The following LAMA4 variants were observed in gnomAD, a reference collection of about 807,000 sequenced individuals.
LAMA4 encodes laminin subunit alpha-4.
In LAMA4, 127 loss-of-function variants were observed where a neutral mutation model predicts 207.1. That is an observed-to-expected ratio of 0.61 (90% CI 0.53 to 0.71). The LOEUF is 0.71. LAMA4 is among the 30% of genes least tolerant of loss of function. LAMA4 has a pLI of 0.00. For missense variants in LAMA4, 2,093 were observed against 2,246.5 expected (o/e 0.93, Z 1.38); for synonymous variants, 761 against 816.0 (o/e 0.93, Z 1.15).
At chr6:112,228,831 G>A (rs1785378473) in intron 2 of LAMA4, among the ~76,000 whole-genome samples, 1 of 152,130 alleles carries the variant, frequency 6.6e-6, no homozygotes, top group South Asian at 2.1e-4. Context: ...TAGCCTTTGG[G>A]CATCAGTCTC....
At chr6:112,127,524 G>A (rs1778770670) in intron 31 of LAMA4, among the ~76,000 whole-genome samples, 1 of 151,996 alleles carries the variant, frequency 6.6e-6, no homozygotes, top group Admixed American at 6.6e-5. Context: ...GAAGAGTGAG[G>A]GAGGTGGGCA....
At chr6:112,119,888 A>G (rs1778249242) in intron 33 of LAMA4, among the ~76,000 whole-genome samples, 1 of 152,216 alleles carries the variant, frequency 6.6e-6, no homozygotes, top group Admixed American at 6.5e-5. Context: ...TTCAATATTT[A>G]TCTGCTCCCA....
intron 7 of LAMA4, among the ~76,000 whole-genome samples, chr6:112,188,444 G>A (rs1352202075): frequency 1.3e-5 from 2 of 152,134 alleles, no homozygotes; most frequent in Non-Finnish European, 2.9e-5. Flanking sequence ...ACATCCTATG[G>A]CATCTTCTAA....
chr6:112,201,324 A>G (rs1435487409), intron 5 of LAMA4, among the ~76,000 whole-genome samples: 10 of 152,250 alleles, frequency 6.6e-5, no homozygotes, highest in Admixed American at 6.5e-4. Context: ...AAAACCATCT[A>G]GAGAATCTTT....
chr6:112,189,996 T>C (rs1490114141), intron 6 of LAMA4, among the ~76,000 whole-genome samples: 1 of 152,212 alleles, frequency 6.6e-6, no homozygotes, highest in African/African-American at 2.4e-5. Flanking sequence ...AATAGAATTG[T>C]GCATTTCCCC....
At chr6:112,170,952 C>T (rs1781672390) in intron 12 of LAMA4, among the ~76,000 whole-genome samples, 1 of 152,132 alleles carries the variant, frequency 6.6e-6, no homozygotes, top group African/African-American at 2.4e-5. Context: ...TGTGATATTG[C>T]CTGAACCTAA....
chr6:112,224,813 CAAAAAAAAAAAA>C (rs782785024), intron 2 of LAMA4, among the ~76,000 whole-genome samples: 2 of 68,002 alleles, frequency 2.9e-5, no homozygotes, highest in Non-Finnish European at 5.6e-5. Context: ...AAGACTGTCT[CAAAAAAAAAAAA>C]AAAAAAAAAG....
intron 2 of LAMA4, among the ~76,000 whole-genome samples, chr6:112,217,368 C>G (rs1784688048): frequency 6.6e-6 from 1 of 152,122 alleles, no homozygotes; most frequent in South Asian, 2.1e-4. Flanking sequence ...AAATCCGCTC[C>G]CCGCCCATCA....
intron 3 of LAMA4, among the ~76,000 whole-genome samples, chr6:112,212,552 G>A (rs1279084681): frequency 6.6e-6 from 1 of 152,092 alleles, no homozygotes; most frequent in African/African-American, 2.4e-5. Context: ...ATGTTGATGG[G>A]CACACAGCAA....
At chr6:112,217,669 C>T (rs1784706602) in intron 2 of LAMA4, 1 of 151,686 alleles carries the variant, frequency 6.6e-6, no homozygotes, top group African/African-American at 2.4e-5. Flanking sequence ...TTAATAAACC[C>T]CATTTGGAGG....
chr6:112,252,412 T>C (rs1295580963), intron 2 of LAMA4, among the ~76,000 whole-genome samples: 2 of 152,230 alleles, frequency 1.3e-5, no homozygotes, highest in South Asian at 2.1e-4. Flanking sequence ...AAAAAATTAC[T>C]TTCCTATTTT....
chr6:112,206,936 C>A, intron 4 of LAMA4, 85 bp downstream of exon 4: 3 of 1,525,764 alleles, frequency 2.0e-6, no homozygotes, highest in Non-Finnish European at 2.7e-6. Context: ...CCTCAGAACT[C>A]TGGGATAAGG....
intron 13 of LAMA4, among the ~76,000 whole-genome samples, chr6:112,161,242 C>A (rs1038847338): frequency 5.3e-5 from 8 of 152,166 alleles, no homozygotes; most frequent in Non-Finnish European, 7.4e-5. Context: ...TTTTATTATT[C>A]ATTCATGTGT....
chr6:112,187,242 T>C (rs1782738860), intron 8 of LAMA4: 4 of 683,902 alleles, frequency 5.8e-6, no homozygotes, highest in East Asian at 5.5e-5. Context: ...TAGACAGTAG[T>C]TCTTGTTTTG....
intron 36 of LAMA4, among the ~76,000 whole-genome samples, chr6:112,115,230 T>G (rs587652367): frequency 6.6e-6 from 1 of 152,146 alleles, no homozygotes; most frequent in Non-Finnish European, 1.5e-5. Flanking sequence ...ACCCAACAAA[T>G]AGTAAACACC....
intron 9 of LAMA4, 134 bp downstream of exon 9, chr6:112,185,103 T>C (rs1782604166): frequency 1.4e-6 from 1 of 736,660 alleles, no homozygotes; most frequent in Non-Finnish European, 2.5e-6. Context: ...GGTCTTGATT[T>C]ATTTTAAGGC....
intron 2 of LAMA4, chr6:112,216,696 C>G: frequency 3.8e-6 from 2 of 531,552 alleles, no homozygotes; most frequent in Non-Finnish European, 6.8e-6. Context: ...TCCCTCCTTT[C>G]ACTTTTCAGG....
intron 9 of LAMA4, among the ~76,000 whole-genome samples, chr6:112,184,326 A>G (rs928652299): frequency 4.0e-5 from 6 of 149,736 alleles, no homozygotes; most frequent in Non-Finnish European, 8.9e-5. Flanking sequence ...TATCATTAGA[A>G]AAAAAAAAAA....
intron 38 of LAMA4, among the ~76,000 whole-genome samples, chr6:112,113,684 T>C (rs1777837810): frequency 6.6e-6 from 1 of 152,222 alleles, no homozygotes; most frequent in Non-Finnish European, 1.5e-5. Flanking sequence ...GTGCATTTTT[T>C]CCTACTGAGG....
Sources: gnomAD v4.1 joint callset for allele counts (sites outside exome capture counted in the v4.1 genomes callset) on GRCh38, gnomAD v4.1.1 for gene constraint, MANE v1.5 for transcripts, NCBI Gene and HGNC (gene_info 2026-07-23, HGNC 2026-07-21) for gene names.